Variants in UNC13C observed in about 807,000 individuals in gnomAD.
UNC13C encodes the protein unc-13 homolog C.
Under a neutral mutation model 245.4 loss-of-function variants are expected in UNC13C, and 174 were observed. That is an observed-to-expected ratio of 0.71 (90% CI 0.63 to 0.80). UNC13C has a LOEUF of 0.80. Ranked by LOEUF, UNC13C falls within the 30% of genes least tolerant of loss-of-function variation. The pLI, the probability that UNC13C is intolerant of heterozygous loss-of-function variation, is 0.00. For synonymous variants in UNC13C, 992 were observed against 895.1 expected, an observed-to-expected ratio of 1.11 and a Z score of -1.93; for missense variants, 2,829 against 2,602.9, an observed-to-expected ratio of 1.09 and a Z score of -1.89.
chr15:54,255,753 C>G (rs940627277), intron 8 of UNC13C, among the ~76,000 whole-genome samples: 27 of 152,176 alleles, frequency 1.8e-4, no homozygotes, highest in African/African-American at 6.0e-4. Flanking sequence ...GAGGCCCAGG[C>G]GTGGAGCCCT....
At chr15:54,371,637 A>G (rs2039489089) in intron 17 of UNC13C, among the ~76,000 whole-genome samples, 2 of 151,812 alleles carry the variant, frequency 1.3e-5, no homozygotes, top group Admixed American at 6.6e-5. Flanking sequence ...TCCATGTGTA[A>G]TTTTTTGATA....
In UNC13C at chr15:54,157,128, C is replaced by G. The variant is rs2032782688; in HGVS notation, c.3071+13444C>G. 2.0e-5 allele frequency among the ~76,000 whole-genome samples: 3 copies of G among 152,204 alleles called. No homozygotes were observed. The South Asian group carries it at 6.2e-4, about 32-fold the overall frequency. On this transcript the variant is annotated intron_variant, in intron 4 of 32. Coordinates refer to ENST00000260323, the MANE Select transcript of UNC13C (RefSeq NM_001080534.3). ...GCCATAGGTTACAAATTAGAATTAA[C>G]ACTAAGTGAAGGTGAATAATGTCTT...
At chr15:54,503,302 T>C (rs956686658) in intron 22 of UNC13C, among the ~76,000 whole-genome samples, 1 of 152,186 alleles carries the variant, frequency 6.6e-6, no homozygotes, top group Non-Finnish European at 1.5e-5. Context: ...AAAAATCTCT[T>C]GCCAGCATTT....
chr15:54,277,852 A>G (rs983266517), intron 10 of UNC13C, among the ~76,000 whole-genome samples: 5 of 152,166 alleles, frequency 3.3e-5, no homozygotes, highest in Non-Finnish European at 5.9e-5. Flanking sequence ...GTAATGTTGT[A>G]GAAAAAAATG....
At chr15:54,174,175 A>G (rs1035605720) in intron 4 of UNC13C, among the ~76,000 whole-genome samples, 35 of 152,024 alleles carry the variant, frequency 2.3e-4, no homozygotes, top group Admixed American at 2.1e-3. Context: ...TTCTATTAGT[A>G]TCTTTGTTTG....
At chr15:54,016,375 G>A (rs1227279709) in intron 2 of UNC13C, among the ~76,000 whole-genome samples, 1 of 152,182 alleles carries the variant, frequency 6.6e-6, no homozygotes, top group Non-Finnish European at 1.5e-5. Context: ...CAATTTAGGG[G>A]TTGCCCATAG....
At chr15:54,302,416 G>T (rs2037610191) in intron 13 of UNC13C, among the ~76,000 whole-genome samples, 1 of 152,066 alleles carries the variant, frequency 6.6e-6, no homozygotes. Flanking sequence ...GGGTTTTTAT[G>T]CTTTTAGGTT....
At chr15:54,027,105 A>C (rs1004293252) in intron 2 of UNC13C, among the ~76,000 whole-genome samples, 9 of 151,804 alleles carry the variant, frequency 5.9e-5, no homozygotes, top group African/African-American at 2.2e-4. Flanking sequence ...AGATCCCCTC[A>C]GGCAGAGGAA....
chr15:54,595,883 A>T (rs574103913), intron 30 of UNC13C, among the ~76,000 whole-genome samples: 1 of 152,268 alleles, frequency 6.6e-6, no homozygotes, highest in South Asian at 2.1e-4. Context: ...TTGAAAAGTA[A>T]TTTTCCATTC....
chr15:53,878,599 T>C, the UNC13C span, among the ~76,000 whole-genome samples: 1 of 152,190 alleles, frequency 6.6e-6, no homozygotes, highest in African/African-American at 2.4e-5. Context: ...TATCTAGCCA[T>C]GCACTTCTTG....
At chr15:54,383,441 G>A (rs2039770669) in intron 17 of UNC13C, among the ~76,000 whole-genome samples, 1 of 152,048 alleles carries the variant, frequency 6.6e-6, no homozygotes, top group African/African-American at 2.4e-5. Context: ...AAACCCATAG[G>A]ATTATCACAA....
At chr15:54,059,456 A>G (rs62009793) in intron 2 of UNC13C, among the ~76,000 whole-genome samples, 24,444 of 152,124 alleles carry the variant, frequency 0.16, 2,056 homozygotes, top group Admixed American at 0.2. Flanking sequence ...TGCTCAATGA[A>G]ATAAAAGAGG....
chr15:54,319,820 C>G (rs573201258), intron 13 of UNC13C, among the ~76,000 whole-genome samples: 147 of 148,360 alleles, frequency 9.9e-4, no homozygotes, highest in African/African-American at 3.6e-3. Flanking sequence ...TTTTATCTTT[C>G]ACTTTTATCA....
intron 2 of UNC13C, among the ~76,000 whole-genome samples, chr15:54,094,784 A>G (rs1045145843): frequency 6.6e-6 from 1 of 152,204 alleles, no homozygotes; most frequent in African/African-American, 2.4e-5. Flanking sequence ...CTGTGCAGCT[A>G]TCTCTGAGTT....
chr15:54,598,628 C>CA, intron 30 of UNC13C, among the ~76,000 whole-genome samples: 32 of 152,160 alleles, frequency 2.1e-4, no homozygotes, highest in Non-Finnish European at 3.7e-4. Flanking sequence ...AGTTCAAGCA[C>CA]TGTAAAGTTT....
chr15:54,516,601 G>A (rs538591948), intron 24 of UNC13C, among the ~76,000 whole-genome samples: 1 of 151,948 alleles, frequency 6.6e-6, no homozygotes, highest in Non-Finnish European at 1.5e-5. Flanking sequence ...TCAAGAGTTC[G>A]AGATCAGCCT....
chr15:54,393,025 A>C, intron 17 of UNC13C, 23 bp from the exon 18 acceptor site: 1 of 1,553,614 alleles, frequency 6.4e-7, no homozygotes, highest in Non-Finnish European at 8.7e-7. Context: ...TTTCTTTTGC[A>C]TGTTGCGTGA....
At chr15:54,294,822 G>T (rs1197794251) in intron 11 of UNC13C, among the ~76,000 whole-genome samples, 2 of 151,764 alleles carry the variant, frequency 1.3e-5, no homozygotes, top group Admixed American at 1.3e-4. Context: ...ACATTCCTTG[G>T]GTTACAAAGA....
At chr15:54,228,992 T>C (rs1373423431) in intron 4 of UNC13C, among the ~76,000 whole-genome samples, 1 of 152,194 alleles carries the variant, frequency 6.6e-6, no homozygotes, top group Non-Finnish European at 1.5e-5. Context: ...AGCCTTTTAG[T>C]GGTGAGGCTT....
Sources: gnomAD v4.1 joint callset for allele counts (sites outside exome capture counted in the v4.1 genomes callset) on GRCh38, gnomAD v4.1.1 for gene constraint, MANE v1.5 for transcripts, NCBI Gene and HGNC (gene_info 2026-07-23, HGNC 2026-07-21) for gene names.